The following NRG3 variants were observed in gnomAD, a reference collection of about 807,000 sequenced individuals.
NRG3 encodes the protein neuregulin 3, also known as pro-neuregulin-3, membrane-bound isoform.
In NRG3, 31 loss-of-function variants were observed where a neutral mutation model predicts 66.9. The ratio of observed to expected loss-of-function variants is 0.46; its 90% CI spans 0.35 to 0.63. NRG3 has a LOEUF of 0.63. Among genes scored for constraint, NRG3 ranks in the 20% least tolerant of loss-of-function variants. NRG3 has a pLI of 0.00. For synonymous variants in NRG3, 393 were observed against 359.4 expected, an observed-to-expected ratio of 1.09 and a Z score of -1.06; for missense variants, 910 against 878.9, an observed-to-expected ratio of 1.04 and a Z score of -0.45.
intron 1 of NRG3, among the ~76,000 whole-genome samples, chr10:82,168,768 C>G (rs941644329): frequency 1.3e-5 from 2 of 152,052 alleles, no homozygotes; most frequent in African/African-American, 4.8e-5. Context: ...CAGAAGTTCT[C>G]CATTTTTAAA....
Position 82,528,776 on chromosome 10 carries a change from T to TA in NRG3, c.953+169917dup, listed in dbSNP as rs372223585. ...ATTGGCTTTTTTCTATTAGTGAGTG[T>TA]AAAAAAAAAGTATTGCCAGTTGCAG... On this transcript the variant is annotated intron_variant, in intron 2 of 8. Transcript: ENST00000372141. Among the ~76,000 whole-genome samples the TA allele has an allele frequency of 1.3e-3, 198 of 151,482 alleles. 1 individual carries two copies. The highest frequency in any genetic ancestry group is 3.4e-3 in the Middle Eastern group (1 of 294).
chr10:82,128,893 A>C (rs1325644419), intron 1 of NRG3, among the ~76,000 whole-genome samples: 2 of 151,998 alleles, frequency 1.3e-5, no homozygotes, highest in Non-Finnish European at 2.9e-5. Context: ...GTATGCTGTC[A>C]TCTTAATTTG....
At chr10:81,952,413 G>T (rs779146066) in intron 1 of NRG3, among the ~76,000 whole-genome samples, 106 of 152,080 alleles carry the variant, frequency 7.0e-4, no homozygotes, top group Non-Finnish European at 1.2e-3. Flanking sequence ...GAGAGAGGGA[G>T]GGGAGAGAGA....
chr10:82,107,665 C>A (rs994901211), intron 1 of NRG3, among the ~76,000 whole-genome samples: 16 of 152,186 alleles, frequency 1.1e-4, no homozygotes, highest in African/African-American at 3.9e-4. Context: ...ACTGTATGAT[C>A]ATTACACTAT....
At position 82,650,815 on chromosome 10, in the gene NRG3, A is replaced by G. The variant is rs143593067; in HGVS notation, c.954-87762A>G. Among the ~76,000 whole-genome samples the G allele has an allele frequency of 1.4e-4, 21 of 152,316 alleles. No homozygotes were observed. The East Asian group carries it at 4.0e-3, about 29-fold the overall frequency. On this transcript the variant is annotated intron_variant, in intron 2 of 8. Coordinates refer to ENST00000372141, the MANE Select transcript of NRG3 (RefSeq NM_001010848.4). Reference sequence around the variant, plus strand: ...GGAAAAACAGAAAGATTCAGTAGTCATTTAGCTTTTATAAAAGAAGCAGAT... The same window carrying G: ...GGAAAAACAGAAAGATTCAGTAGTCGTTTAGCTTTTATAAAAGAAGCAGAT...
intron 2 of NRG3, among the ~76,000 whole-genome samples, chr10:82,613,590 C>G (rs959367004): frequency 2.6e-5 from 4 of 151,642 alleles, no homozygotes; most frequent in Admixed American, 6.6e-5. Context: ...TATTTTAACA[C>G]ATGATATTTT....
intron 1 of NRG3, among the ~76,000 whole-genome samples, chr10:82,139,394 G>T (rs938305974): frequency 6.6e-6 from 1 of 152,070 alleles, no homozygotes; most frequent in African/African-American, 2.4e-5. Flanking sequence ...GTATATTTGT[G>T]CTTAATGCCA....
intron 1 of NRG3, among the ~76,000 whole-genome samples, chr10:82,311,898 T>C (rs1157887108): frequency 6.6e-6 from 1 of 152,228 alleles, no homozygotes; most frequent in Non-Finnish European, 1.5e-5. Flanking sequence ...CTCAGTCTTA[T>C]AGATGCTTTT....
intron 3 of NRG3, among the ~76,000 whole-genome samples, chr10:82,755,903 T>C (rs527882375): frequency 6.6e-6 from 1 of 152,166 alleles, no homozygotes; most frequent in African/African-American, 2.4e-5. Flanking sequence ...TTGTAAACCA[T>C]GTTGTCCCTC....
At chr10:82,316,395 C>T (rs1472028506) in intron 1 of NRG3, among the ~76,000 whole-genome samples, 1 of 152,122 alleles carries the variant, frequency 6.6e-6, no homozygotes, top group Non-Finnish European at 1.5e-5. Flanking sequence ...TACTTTAAAG[C>T]CAGTCCTGTT....
intron 1 of NRG3, among the ~76,000 whole-genome samples, chr10:82,051,330 C>T (rs556107171): frequency 6.6e-6 from 1 of 152,216 alleles, no homozygotes; most frequent in African/African-American, 2.4e-5. Flanking sequence ...TTGTTTGAAG[C>T]AAGGTATTTC....
intron 1 of NRG3, among the ~76,000 whole-genome samples, chr10:82,340,283 C>T (rs1305551891): frequency 1.3e-5 from 2 of 152,188 alleles, no homozygotes; most frequent in Admixed American, 1.3e-4. Flanking sequence ...CTAAGTCTTT[C>T]TTGCATAAAA....
intron 1 of NRG3, among the ~76,000 whole-genome samples, chr10:82,156,696 G>A (rs1387740952): frequency 6.6e-6 from 1 of 151,586 alleles, no homozygotes; most frequent in Non-Finnish European, 1.5e-5. Flanking sequence ...CTACCTGCCA[G>A]AGTGCTTTGA....
At chr10:82,952,672 A>G (rs1232333686) in intron 5 of NRG3, among the ~76,000 whole-genome samples, 1 of 151,858 alleles carries the variant, frequency 6.6e-6, no homozygotes, top group Non-Finnish European at 1.5e-5. Context: ...CTGAAATTCA[A>G]GCCAATGTGT....
intron 1 of NRG3, among the ~76,000 whole-genome samples, chr10:81,900,281 C>T (rs866065518): frequency 1.8e-5 from 1 of 56,032 alleles, no homozygotes; most frequent in Non-Finnish European, 2.5e-5. Context: ...AAGTGCCTAG[C>T]GGGATTACAG....
chr10:82,583,284 G>A (rs1055552019), intron 2 of NRG3, among the ~76,000 whole-genome samples: 6 of 142,868 alleles, frequency 4.2e-5, no homozygotes, highest in African/African-American at 1.5e-4. Context: ...TTTAGCTCTT[G>A]CTCTATTAAA....
chr10:82,470,078 C>T (rs1437751404), intron 2 of NRG3, among the ~76,000 whole-genome samples: 1 of 152,162 alleles, frequency 6.6e-6, no homozygotes, highest in African/African-American at 2.4e-5. Flanking sequence ...GGGAGCCCTC[C>T]CTCTGGCCTC....
intron 4 of NRG3, among the ~76,000 whole-genome samples, chr10:82,888,661 C>T (rs1842910037): frequency 6.6e-6 from 1 of 151,788 alleles, no homozygotes; most frequent in South Asian, 2.1e-4. Context: ...AGATTTCTGC[C>T]CTTGTGGAGC....
At chr10:82,684,078 C>A (rs533308447) in intron 2 of NRG3, among the ~76,000 whole-genome samples, 1 of 152,084 alleles carries the variant, frequency 6.6e-6, no homozygotes, top group Non-Finnish European at 1.5e-5. Flanking sequence ...TCTCACTAAA[C>A]AATAAAGTAG....
Sources: allele counts gnomAD v4.1 joint callset (sites outside exome capture counted in the v4.1 genomes callset), GRCh38; gene constraint gnomAD v4.1.1; transcripts MANE v1.5; gene names NCBI Gene and HGNC (gene_info 2026-07-23, HGNC 2026-07-21).